The following ATP8B4 variants were observed in gnomAD, a reference collection of about 807,000 sequenced individuals.
The protein encoded by ATP8B4 is probable phospholipid-transporting ATPase IM.
ATP8B4 carries 133 observed loss-of-function variants against 145.6 expected under a neutral mutation model. The ratio of observed to expected loss-of-function variants is 0.91; its 90% confidence interval spans 0.79 to 1.05. ATP8B4 has a LOEUF of 1.05. Ranked by LOEUF, ATP8B4 falls within the 50% of genes least tolerant of loss-of-function variation. The pLI, the probability that ATP8B4 is intolerant of heterozygous loss-of-function variation, is 0.00. For missense variants in ATP8B4, 1,458 were observed against 1,425.2 expected (o/e 1.02, Z -0.37); for synonymous variants, 507 against 492.9 (o/e 1.03, Z -0.38).
chr15:50,081,480 T>C (rs1354132884), intron 2 of ATP8B4, among the ~76,000 whole-genome samples: 1 of 152,196 alleles, frequency 6.6e-6, no homozygotes, highest in Non-Finnish European at 1.5e-5. Flanking sequence ...AATTGGCAAA[T>C]GCCCATTGAT....
At chr15:50,065,471 G>A (rs1420311158) in intron 3 of ATP8B4, among the ~76,000 whole-genome samples, 1 of 152,230 alleles carries the variant, frequency 6.6e-6, no homozygotes, top group East Asian at 1.9e-4. Context: ...GAGACCGTTG[G>A]GGTTAGTGGT....
chr15:49,961,997 G>A lies in ATP8B4; in HGVS notation c.1267C>T (p.Gln423Ter). The A allele has an allele frequency of 6.3e-7, 1 of 1,595,042 alleles. No homozygotes were observed. The highest frequency in any genetic ancestry group is 8.5e-7 in the Non-Finnish European group (1 of 1,174,152). ...CACACCTGAGTTATTTCTGTCTTCT[G>A]ATCCAGGTCATCATGTACTTCACCT... ...IYGEVHDDLD[Q>*]KTEITQEKEP... is the part of the protein sequence containing the mutation. Residue 423 changes from glutamine (Q) to a stop codon, truncating the protein, a stop_gained, in exon 14 of 28, where the codon CAG (glutamine) becomes TAG (stop). Coordinates refer to ENST00000284509, the MANE Select transcript of ATP8B4 (RefSeq NM_024837.4). LOFTEE classifies it high-confidence loss of function.
intron 1 of ATP8B4, among the ~76,000 whole-genome samples, chr15:50,116,328 G>T (rs191974621): frequency 3.3e-5 from 5 of 152,282 alleles, no homozygotes; most frequent in Admixed American, 6.5e-5. Context: ...TGACTTCCAG[G>T]TTTTTGCCTT....
intron 16 of ATP8B4, 42 bp from the exon 17 acceptor site, chr15:49,923,536 T>A (rs372681910): frequency 7.4e-7 from 1 of 1,350,634 alleles, no homozygotes; most frequent in Non-Finnish European, 1.0e-6. Flanking sequence ...ATAATCAACG[T>A]CATACATCAA....
chr15:49,876,624 C>G, intron 24 of ATP8B4, 101 bp from the exon 25 acceptor site: 1 of 1,492,748 alleles, frequency 6.7e-7, no homozygotes, highest in Non-Finnish European at 9.2e-7. Context: ...TTAAACATGT[C>G]CTAAAATGCA....
At chr15:49,877,323 C>T (rs2034608267) in intron 24 of ATP8B4, among the ~76,000 whole-genome samples, 1 of 152,132 alleles carries the variant, frequency 6.6e-6, no homozygotes, top group Non-Finnish European at 1.5e-5. Flanking sequence ...CCACAGTGAG[C>T]ACCAAAGCCA....
intron 2 of ATP8B4, among the ~76,000 whole-genome samples, chr15:50,094,709 CTACTA>C (rs2055851388): frequency 1.1e-5 from 1 of 94,796 alleles, no homozygotes; most frequent in Middle Eastern, 7.4e-3. Flanking sequence ...TATATATATA[CTACTA>C]TATATATATA....
At chr15:49,904,897 C>T (rs993456372) in intron 20 of ATP8B4, among the ~76,000 whole-genome samples, 1 of 152,184 alleles carries the variant, frequency 6.6e-6, no homozygotes, top group African/African-American at 2.4e-5. Flanking sequence ...AGTTAAAGAA[C>T]ATGAGTTTTT....
chr15:49,898,235 C>T lies in ATP8B4; in HGVS notation c.2306G>A (p.Ser769Asn). 1.2e-6 allele frequency: 2 copies of T among 1,613,434 alleles called. No individual in the cohort carries two copies. The highest frequency in any genetic ancestry group is 1.7e-6 in the Non-Finnish European group (2 of 1,179,670). Residue 769 changes from serine to asparagine, a missense_variant, in exon 22 of 28, where the codon AGT becomes AAT. Coordinates refer to ENST00000284509, the MANE Select transcript of ATP8B4 (RefSeq NM_024837.4). ...TTCTAGGAGATCATTCTTGACATCA[C>T]TTTCTAGGGCATGAGCCTGTATGAT... ...NGHSLAHALE[S>N]DVKNDLLELA... is the part of the protein sequence containing the mutation.
At chr15:49,939,170 CTT>C (rs924140420) in intron 14 of ATP8B4, among the ~76,000 whole-genome samples, 3 of 150,880 alleles carry the variant, frequency 2.0e-5, no homozygotes, top group African/African-American at 7.4e-5. Flanking sequence ...CAATTAATGA[CTT>C]AACGCATACC....
At chr15:49,970,522 A>G (rs2045008243) in intron 13 of ATP8B4, among the ~76,000 whole-genome samples, 2 of 152,222 alleles carry the variant, frequency 1.3e-5, no homozygotes, top group South Asian at 4.1e-4. Flanking sequence ...CCCATTCACA[A>G]TAGCTACAAA....
At chr15:49,942,079 A>G (rs1209883394) in intron 14 of ATP8B4, among the ~76,000 whole-genome samples, 5 of 152,294 alleles carry the variant, frequency 3.3e-5, no homozygotes, top group East Asian at 1.9e-4. Flanking sequence ...AAAAATCTAC[A>G]TATGAGATAC....
intron 1 of ATP8B4, among the ~76,000 whole-genome samples, chr15:50,142,886 G>A (rs2044230970): frequency 6.6e-6 from 1 of 152,158 alleles, no homozygotes; most frequent in Non-Finnish European, 1.5e-5. Context: ...GGCCTTGACT[G>A]TTACTCTGCC....
rs1600210568 is a variant in ATP8B4, at chr15:50,074,171, C to T, written c.43G>A (p.Val15Met). 1.2e-6 allele frequency: 2 copies of T among 1,612,600 alleles called. No individual in the cohort carries two copies. The highest frequency in any genetic ancestry group is 4.5e-5 in the East Asian group (2 of 44,814). The change falls in exon 3 of 28, where the codon GTG becomes ATG. Residue 15 changes from valine (V) to methionine (M), a missense_variant. Physicochemically the swap from Val to Met is conservative, Grantham distance 21. Transcript: ENST00000284509. Reference protein sequence around the residue: ...EKKLREVERIVKANDREYNEK... With the variant: ...EKKLREVERIMKANDREYNEK... Reference sequence around the variant, plus strand: ...TTATATTCACGGTCATTGGCTTTCACTATCCGTTCCACTTCTAAAGAGAGA... The same window carrying T: ...TTATATTCACGGTCATTGGCTTTCATTATCCGTTCCACTTCTAAAGAGAGA...
chr15:50,158,685 T>C (rs1225042967), intron 1 of ATP8B4, among the ~76,000 whole-genome samples: 2 of 152,202 alleles, frequency 1.3e-5, no homozygotes, highest in South Asian at 4.1e-4. Flanking sequence ...GGGGAAAAGA[T>C]TGAGAAATCG....
At chr15:49,974,016 T>C (rs577381550) in intron 12 of ATP8B4, among the ~76,000 whole-genome samples, 1 of 152,260 alleles carries the variant, frequency 6.6e-6, no homozygotes, top group Non-Finnish European at 1.5e-5. Flanking sequence ...AAGAATTCTA[T>C]AGTTATTAAG....
At chr15:50,007,632 TG>T (rs1462820742) in intron 7 of ATP8B4, among the ~76,000 whole-genome samples, 1 of 152,196 alleles carries the variant, frequency 6.6e-6, no homozygotes, top group Admixed American at 6.6e-5. Context: ...ATTGTTTTCA[TG>T]ACCTTCATGA....
chr15:49,983,593 T>C (rs12439921), intron 10 of ATP8B4, among the ~76,000 whole-genome samples: 95,062 of 152,010 alleles, frequency 0.63, 30,557 homozygotes, highest in East Asian at 0.96. Context: ...TTTTCCTCCT[T>C]CCCAACCCCA....
intron 10 of ATP8B4, among the ~76,000 whole-genome samples, chr15:49,984,677 C>A (rs2046432961): frequency 6.6e-6 from 1 of 151,950 alleles, no homozygotes; most frequent in South Asian, 2.1e-4. Context: ...TGATCTCTTC[C>A]TAGGGATCCC....
Sources: allele counts gnomAD v4.1 joint callset (sites outside exome capture counted in the v4.1 genomes callset), GRCh38; gene constraint gnomAD v4.1.1; transcripts MANE v1.5; gene names NCBI Gene and HGNC (gene_info 2026-07-23, HGNC 2026-07-21).